The following SETD1B variants were observed in gnomAD, a reference collection of about 807,000 sequenced individuals.
SETD1B encodes the protein SET domain containing 1B, histone lysine methyltransferase, also known as histone-lysine N-methyltransferase SETD1B.
In SETD1B, 7 loss-of-function variants were observed where a neutral mutation model predicts 148.0. The observed-to-expected ratio is 0.05, with a 90% CI of 0.03 to 0.09. SETD1B has a LOEUF of 0.09. Ranked by LOEUF, SETD1B falls within the 10% of genes least tolerant of loss-of-function variation. The probability of loss-of-function intolerance (pLI) is 1.00; values close to 1 mark genes in which losing one functional copy is unlikely to be tolerated. For synonymous variants in SETD1B, 1,361 were observed against 1,186.5 expected (o/e 1.15, Z -3.02); for missense variants, 2,155 against 2,729.9 (o/e 0.79, Z 4.69).
In SETD1B at chr12:121,817,920, GTGGC is replaced by G. The variant is rs1876378654; in HGVS notation, c.3418+19_3418+22del. ...TCGGATGAAGGTGAGCAGGGAGGCC[GTGGC>G]TGCCTGGCCCTCCCGGAGTCCCTCT... On this transcript the variant is annotated intron_variant, in intron 10 of 16. Transcript: ENST00000604567. This position sits in a 1 kb window ranked among gnomAD's most constrained non-coding sequence, Gnocchi z 8.1. The G allele has an allele frequency of 6.6e-7, 1 of 1,520,538 alleles. No homozygotes were observed. Among genetic ancestry groups the G allele is most frequent in the South Asian group, 1.2e-5 (1 of 80,302 alleles). 94.2% of individuals were successfully genotyped at this position (1,520,538 alleles called of 1,614,324 possible).
rs1168377848 is a variant in SETD1B at position 121,825,324 on chromosome 12, C to T, written c.5295C>T (p.Asn1765=). The change falls in exon 13 of 17, where the codon AAC becomes AAT. Residue 1765 remains asparagine, a synonymous_variant. Coordinates refer to ENST00000604567, the MANE Select transcript of SETD1B (RefSeq NM_001353345.2). ...AGAAGGACAAGCTCAGATACCTCAA[C>T]AGCAGCCGTGCCAGCACCGATGAGC... ...IDKKDKLRYL[N]SSRASTDEPP... 6 of 1,551,568 alleles carry T rather than the reference C, an allele frequency of 3.9e-6. 1 individual carries two copies. The highest frequency in any genetic ancestry group is 3.9e-5 in the Admixed American group (2 of 51,004).
chr12:121,810,817 C>A lies in SETD1B; in HGVS notation c.1872C>A (p.Thr624=). Reference sequence around the variant, plus strand: ...ACCTGGTTGGAGACAGAACCCCGACCTCAGAGAAGATGGATGAGGTACCAC... The same window carrying A: ...ACCTGGTTGGAGACAGAACCCCGACATCAGAGAAGATGGATGAGGTACCAC... The part of the protein sequence containing the change: ...ALDLVGDRTP[T]SEKMDEGQQS... The change falls in exon 6 of 17, where the codon ACC becomes ACA. Residue 624 remains threonine (T), a synonymous_variant. Transcript: ENST00000604567. This position sits in a 1 kb window ranked among gnomAD's most constrained non-coding sequence, Gnocchi z 7.6. 1 of 1,513,394 alleles carries A rather than the reference C, an allele frequency of 6.6e-7. No individual in the cohort carries two copies. The highest frequency in any genetic ancestry group is 8.9e-7 in the Non-Finnish European group (1 of 1,124,164). 93.7% of individuals were successfully genotyped at this position (1,513,394 alleles called of 1,614,324 possible).
chr12:121,792,603 A>G, the SETD1B span, among the ~76,000 whole-genome samples: 2 of 152,212 alleles, frequency 1.3e-5, no homozygotes, highest in Non-Finnish European at 2.9e-5. Flanking sequence ...AGAACCACCA[A>G]CTGCAAGCCG....
At chr12:121,819,955 G>C (rs549074613) in intron 11 of SETD1B, 60 bp downstream of exon 11, 3 of 1,410,212 alleles carry the variant, frequency 2.1e-6, no homozygotes, top group Non-Finnish European at 2.9e-6. Flanking sequence ...CTCACTGTCA[G>C]AATCAGCCCG....
the SETD1B span, chr12:121,793,137 C>T: frequency 1.3e-6 from 2 of 1,548,174 alleles, no homozygotes; most frequent in Non-Finnish European, 8.7e-7. Context: ...CCCCCCGGCG[C>T]GCAGGCGCAC....
chr12:121,809,934 T>C lies in SETD1B; in HGVS notation c.989T>C (p.Val330Ala). 6.4e-7 allele frequency: 1 copy of C among 1,551,218 alleles called. No homozygotes were observed. ...AYNRRHEHHY[V>A]HNSPAVTAVA... ...AACCGCCGCCACGAACATCATTATG[T>C]ACACAATTCTCCCGCGGTCACTGCG... is the stretch of plus-strand genomic sequence containing the variant. The change falls in exon 6 of 17, where the codon GTA becomes GCA. Residue 330 changes from valine to alanine, a missense_variant. Val to Ala is a moderately conservative substitution (Grantham distance 64, BLOSUM62 0). Around this residue, in one of 11 missense-constraint regions of SETD1B, gnomAD observed 376 missense variants for 385.0 expected, o/e 0.98. Transcript: ENST00000604567.
At chr12:121,825,516 T>TG in intron 13 of SETD1B, 150 bp downstream of exon 13, 1 of 315,304 alleles carries the variant, frequency 3.2e-6, no homozygotes, top group Admixed American at 4.0e-5. Context: ...GAGAGGCGGG[T>TG]GGGCGGGGCC....
At position 121,808,707 on chromosome 12, in the gene SETD1B, C is replaced by G. The variant is rs900339662; in HGVS notation, c.657+387C>G. Among the ~76,000 whole-genome samples, 2 of 152,206 alleles carry G rather than the reference C, an allele frequency of 1.3e-5. No homozygotes were observed. Among genetic ancestry groups the G allele is most frequent in the African/African-American group, 4.8e-5 (2 of 41,450 alleles). ...CTGGGCATGCCACTACCCCTAAACC[C>G]AGAAACCAGAGTTCATGCCCTGCCT... On this transcript the variant is annotated intron_variant, in intron 5 of 16. Transcript: ENST00000604567. The surrounding 1 kb of genome is among the most constrained non-coding windows in gnomAD (Gnocchi z 5.3).
the SETD1B span, among the ~76,000 whole-genome samples, chr12:121,798,071 G>C: frequency 5.9e-5 from 9 of 152,348 alleles, 1 homozygote; most frequent in East Asian, 1.7e-3. Context: ...CAGACAGCTG[G>C]CACGGGAGGA....
the SETD1B span, chr12:121,794,041 C>T: frequency 6.0e-6 from 1 of 167,384 alleles, no homozygotes; most frequent in Non-Finnish European, 1.3e-5. Context: ...CAGGGTCTCC[C>T]GGATTGGCTG....
At chr12:121,793,618 C>A in the SETD1B span, 2 of 1,545,100 alleles carry the variant, frequency 1.3e-6, no homozygotes, top group Admixed American at 1.9e-5. Flanking sequence ...TGGGCCAGGG[C>A]CCCGGGGGCA....
Position 121,810,875 on chromosome 12 carries a change from T to C in SETD1B, c.1890+40T>C. 6.9e-7 allele frequency: 1 copy of C among 1,454,200 alleles called. No individual in the cohort carries two copies. Among genetic ancestry groups the C allele is most frequent in the South Asian group, 1.4e-5 (1 of 69,104 alleles). The allele number at this position is 1,454,200 out of a possible 1,614,324, so 90.1% of individuals were successfully genotyped here. ...GTCCATCTGTCTGGGACTGGTTTTG[T>C]CTATCTTGTATCTCCCTTTCCCCCT... On this transcript the variant is annotated intron_variant, in intron 6 of 16. Coordinates refer to ENST00000604567, the MANE Select transcript of SETD1B (RefSeq NM_001353345.2). The surrounding 1 kb of genome is among the most constrained non-coding windows in gnomAD (Gnocchi z 7.6).
Position 121,823,337 on chromosome 12 carries a change from T to TGGGGG in SETD1B, c.4758_4759insGGGGG (p.Pro1587GlyfsTer15). The TGGGGG allele has an allele frequency of 4.9e-6, 4 of 809,454 alleles. No homozygotes were observed. The highest frequency in any genetic ancestry group is 2.3e-5 in the African/African-American group (1 of 43,670). The allele number at this position is 809,454 out of a possible 1,614,324, so 50.1% of individuals were successfully genotyped here. ...GGATCCCAGCCCCTCCACCACCCCT[T>TGGGGG]CCCCCCCAGCCACCCCCACCCCCAC... On this transcript the variant is annotated frameshift_variant, in exon 12 of 17. Coordinates refer to ENST00000604567, the MANE Select transcript of SETD1B (RefSeq NM_001353345.2). LOFTEE classifies it high-confidence loss of function.
chr12:121,802,397 TC>T (rs1359002221), upstream of SETD1B: 1 of 152,254 alleles, frequency 6.6e-6, no homozygotes, highest in Admixed American at 6.5e-5. Flanking sequence ...TAACAACTGC[TC>T]ACAATTTTTT....
At chr12:121,816,577 T>C (rs1008163578) in intron 7 of SETD1B, among the ~76,000 whole-genome samples, 3 of 152,252 alleles carry the variant, frequency 2.0e-5, no homozygotes, top group Non-Finnish European at 2.9e-5. Flanking sequence ...GTTTTGTTAA[T>C]TCTCACAGCA....
Position 121,822,862 on chromosome 12 carries a change from G to A in SETD1B, c.4283G>A (p.Arg1428Gln), listed in dbSNP as rs756584620. 2.4e-5 allele frequency: 36 copies of A among 1,487,490 alleles called. No homozygotes were observed. The African/African-American group carries it at 2.8e-4, about 12-fold the overall frequency. 92.1% of individuals were successfully genotyped at this position (1,487,490 alleles called of 1,614,324 possible). Reference sequence around the variant, plus strand: ...GGGGGCCTCCCTCGGACACCTGGCCGGGACTTCAGCTTCACACCCACCTTC... The same window carrying A: ...GGGGGCCTCCCTCGGACACCTGGCCAGGACTTCAGCTTCACACCCACCTTC... ...SSGGLPRTPG[R>Q]DFSFTPTFSE... The change falls in exon 12 of 17, where the codon CGG becomes CAG. Residue 1428 changes from arginine (R) to glutamine (Q), a missense_variant. Transcript: ENST00000604567.
In SETD1B at chr12:121,809,992, C is replaced by T. The variant is rs1875941030; in HGVS notation, c.1047C>T (p.Ser349=). The T allele has an allele frequency of 3.2e-6, 5 of 1,550,806 alleles. No individual in the cohort carries two copies. The East Asian group carries it at 1.2e-4, about 38-fold the overall frequency. The change falls in exon 6 of 17, where the codon TCC becomes TCT. Residue 349 remains serine (S), a synonymous_variant. Transcript: ENST00000604567. ...GGGCCACAGCCGCTTTCCGGGGTTC[C>T]TCGGACCTCCCGTTCGGAGCAGTCG... The part of the protein sequence containing the change: ...VAGATAAFRG[S]SDLPFGAVGG...
chr12:121,793,200 C>T, the SETD1B span: 6 of 1,550,896 alleles, frequency 3.9e-6, no homozygotes, highest in South Asian at 1.2e-5. Context: ...CCAACGGTCA[C>T]GCTGGCCGTG....
At position 121,817,940 on chromosome 12, in the gene SETD1B, G is replaced by A. The variant is rs1592983903; in HGVS notation, c.3418+36G>A. 6.7e-7 allele frequency: 1 copy of A among 1,495,252 alleles called. No individual in the cohort carries two copies. Among genetic ancestry groups the A allele is most frequent in the African/African-American group, 1.4e-5 (1 of 71,086 alleles). 92.6% of individuals were successfully genotyped at this position (1,495,252 alleles called of 1,614,324 possible). The stretch of plus-strand genomic sequence containing the variant: ...AGGCCGTGGCTGCCTGGCCCTCCCG[G>A]AGTCCCTCTTTCCCCGGGGCAGAGC... On this transcript the variant is annotated intron_variant, in intron 10 of 16. Coordinates refer to ENST00000604567, the MANE Select transcript of SETD1B (RefSeq NM_001353345.2). The surrounding 1 kb of genome is among the most constrained non-coding windows in gnomAD (Gnocchi z 8.1).
Sources: allele counts gnomAD v4.1 joint callset (sites outside exome capture counted in the v4.1 genomes callset), GRCh38; gene constraint gnomAD v4.1.1; regional missense constraint gnomAD v4.1.1; non-coding constraint Gnocchi (gnomAD v3.1); transcripts MANE v1.5; gene names NCBI Gene and HGNC (gene_info 2026-07-23, HGNC 2026-07-21).